Variants in WDR49 observed in about 807,000 individuals in gnomAD.
WDR49 encodes the protein WD repeat domain 49.
WDR49 carries 107 observed loss-of-function variants against 119.5 expected under a neutral mutation model. That is an observed-to-expected ratio of 0.90 (90% CI 0.77 to 1.05). WDR49 has a LOEUF of 1.05. Ranked by LOEUF, WDR49 falls within the 50% of genes least tolerant of loss-of-function variation. WDR49 has a pLI of 0.00. For missense variants in WDR49, 1,240 were observed against 1,220.5 expected (o/e 1.02, Z -0.24); for synonymous variants, 425 against 418.8 (o/e 1.01, Z -0.18).
intron 16 of WDR49, among the ~76,000 whole-genome samples, chr3:167,515,891 C>T (rs1022793436): frequency 6.6e-6 from 1 of 152,024 alleles, no homozygotes; most frequent in Non-Finnish European, 1.5e-5. Context: ...ACAATCGCTA[C>T]AGAGAATAAA....
intron 18 of WDR49, among the ~76,000 whole-genome samples, chr3:167,499,378 G>A (rs1396147474): frequency 6.6e-6 from 1 of 152,156 alleles, no homozygotes; most frequent in Non-Finnish European, 1.5e-5. Context: ...ATCTCAGATA[G>A]CTTCATTTAA....
intron 5 of WDR49, 119 bp from the exon 6 acceptor site, chr3:167,604,587 A>G: frequency 9.9e-7 from 1 of 1,014,244 alleles, no homozygotes; most frequent in Non-Finnish European, 1.4e-6. Context: ...GATGATACAA[A>G]CTGATACTTA....
intron 10 of WDR49, among the ~76,000 whole-genome samples, chr3:167,554,046 A>G (rs1712754545): frequency 6.6e-6 from 1 of 152,042 alleles, no homozygotes; most frequent in Non-Finnish European, 1.5e-5. Context: ...TGGACAATAT[A>G]TTTTCAAAAC....
At chr3:167,649,810 A>C (rs1221774010) in intron 2 of WDR49, among the ~76,000 whole-genome samples, 1 of 152,174 alleles carries the variant, frequency 6.6e-6, no homozygotes, top group Non-Finnish European at 1.5e-5. Flanking sequence ...TTAAAGCTAA[A>C]GATTTAGTAG....
intron 7 of WDR49, among the ~76,000 whole-genome samples, chr3:167,593,042 G>A (rs1281027321): frequency 6.6e-6 from 1 of 151,908 alleles, no homozygotes; most frequent in African/African-American, 2.4e-5. Context: ...CTTTATCCTT[G>A]ACCTTTGGGA....
chr3:167,525,198 C>G (rs1375952081), intron 15 of WDR49, among the ~76,000 whole-genome samples: 2 of 151,998 alleles, frequency 1.3e-5, no homozygotes, highest in Non-Finnish European at 2.9e-5. Flanking sequence ...CATGATTGGG[C>G]TCTCTGCTTG....
intron 10 of WDR49, among the ~76,000 whole-genome samples, chr3:167,550,777 T>TG (rs1431685702): frequency 6.8e-6 from 1 of 148,000 alleles, no homozygotes; most frequent in Non-Finnish European, 1.5e-5. Flanking sequence ...TTTTTTTTTT[T>TG]TGAGAGAGAG....
intron 17 of WDR49, among the ~76,000 whole-genome samples, chr3:167,501,775 C>A (rs56015436): frequency 6.6e-6 from 1 of 152,042 alleles, no homozygotes; most frequent in South Asian, 2.1e-4. Context: ...TTTTCTGGTC[C>A]GTCAACAACT....
intron 18 of WDR49, among the ~76,000 whole-genome samples, chr3:167,480,154 T>C (rs1196309931): frequency 7.1e-5 from 10 of 141,590 alleles, no homozygotes; most frequent in African/African-American, 2.7e-5. Flanking sequence ...GAGGCTGAGG[T>C]AGGAGAATTG....
chr3:167,657,208 A>C (rs567753078), upstream of WDR49, among the ~76,000 whole-genome samples: 2 of 152,350 alleles, frequency 1.3e-5, no homozygotes, highest in Admixed American at 1.3e-4. Context: ...CAATATGATT[A>C]GCCAAAGAAA....
intron 7 of WDR49, among the ~76,000 whole-genome samples, chr3:167,578,641 C>T (rs1272246206): frequency 6.6e-6 from 1 of 152,086 alleles, no homozygotes; most frequent in Non-Finnish European, 1.5e-5. Flanking sequence ...ACTAATTTAA[C>T]ACTATCTGTA....
intron 16 of WDR49, among the ~76,000 whole-genome samples, chr3:167,514,858 TG>T (rs2108224205): frequency 1.3e-5 from 2 of 152,186 alleles, no homozygotes; most frequent in East Asian, 3.9e-4. Flanking sequence ...TAAACACCTC[TG>T]TGCAAATAAA....
chr3:167,535,163 G>T (rs960544269), intron 11 of WDR49, among the ~76,000 whole-genome samples: 1 of 152,054 alleles, frequency 6.6e-6, no homozygotes, highest in Non-Finnish European at 1.5e-5. Flanking sequence ...GCCGTGAGGG[G>T]AAATCAGACA....
chr3:167,538,304 C>A (rs913313065), intron 10 of WDR49, among the ~76,000 whole-genome samples: 4 of 152,128 alleles, frequency 2.6e-5, no homozygotes, highest in African/African-American at 9.7e-5. Context: ...TCCATACCAG[C>A]CCTCTGTCTG....
chr3:167,653,285 A>T lies in WDR49; in HGVS notation c.141T>A (p.Phe47Leu). The part of the protein sequence containing the change: ...LLENQLSVGD[F>L]VKIQKAFESP... ...CCTCAAAGGCCTTCTGTATTTTTAC[A>T]AAGTCACCCACGCTGAGTTGGTTTT... The change falls in exon 2 of 19, where the codon TTT becomes TTA. Residue 47 changes from phenylalanine (F) to leucine (L), a missense_variant. Phe to Leu is a conservative substitution (Grantham distance 22). Transcript: ENST00000682715. The T allele has an allele frequency of 6.5e-7, 1 of 1,536,192 alleles. No individual in the cohort carries two copies. Among genetic ancestry groups the T allele is most frequent in the Non-Finnish European group, 8.7e-7 (1 of 1,146,880 alleles).
chr3:167,513,015 T>C (rs995139154), intron 16 of WDR49, among the ~76,000 whole-genome samples: 1 of 152,092 alleles, frequency 6.6e-6, no homozygotes, highest in Non-Finnish European at 1.5e-5. Flanking sequence ...TGGAAACAAG[T>C]TGGAAAACAT....
In WDR49 at chr3:167,528,011, A is replaced by T. The variant is rs945930972; in HGVS notation, c.2413T>A (p.Cys805Ser). 34 of 1,611,124 alleles carry T rather than the reference A, an allele frequency of 2.1e-5. No homozygotes were observed. The highest frequency in any genetic ancestry group is 2.6e-5 in the Non-Finnish European group (31 of 1,178,228). The change falls in exon 15 of 19, where the codon TGT becomes AGT. Residue 805 changes from cysteine to serine, a missense_variant. Cys to Ser is a moderately radical substitution (Grantham distance 112). Transcript: ENST00000682715. ...WLKIWNIEEYCLNSSKNKITK... is the reference protein window; with the variant it reads ...WLKIWNIEEYSLNSSKNKITK... ...ATTTTGTTCTTACTGGAGTTAAGACAGTACTCCTGAATGAAAAGAAATACC... is the reference window on the plus strand; with the variant it reads ...ATTTTGTTCTTACTGGAGTTAAGACTGTACTCCTGAATGAAAAGAAATACC...
intron 18 of WDR49, among the ~76,000 whole-genome samples, chr3:167,499,861 G>A (rs551938952): frequency 6.6e-6 from 1 of 152,242 alleles, no homozygotes; most frequent in South Asian, 2.1e-4. Context: ...AAGGTTATTT[G>A]GGGAGAGAGA....
chr3:167,487,201 A>C (rs1401935578), intron 18 of WDR49, among the ~76,000 whole-genome samples: 1 of 152,092 alleles, frequency 6.6e-6, no homozygotes, highest in African/African-American at 2.4e-5. Context: ...ATGGAAAAGA[A>C]TAAAAATCTC....
Sources: allele counts gnomAD v4.1 joint callset (sites outside exome capture counted in the v4.1 genomes callset), GRCh38; gene constraint gnomAD v4.1.1; transcripts MANE v1.5; gene names NCBI Gene and HGNC (gene_info 2026-07-23, HGNC 2026-07-21).